The following GLCCI1 variants were observed in gnomAD, a reference collection of about 807,000 sequenced individuals.
GLCCI1 encodes glucocorticoid-induced transcript 1 protein.
Under a neutral mutation model 52.2 loss-of-function variants are expected in GLCCI1, and 24 were observed. That is an observed-to-expected ratio of 0.46 (90% CI 0.33 to 0.65). GLCCI1 has a LOEUF of 0.65. Ranked by LOEUF, GLCCI1 falls within the 30% of genes least tolerant of loss-of-function variation. GLCCI1 has a pLI of 0.02. For synonymous variants in GLCCI1, 310 were observed against 276.5 expected (o/e 1.12, Z -1.20); for missense variants, 704 against 701.5 (o/e 1.00, Z -0.04).
intron 3 of GLCCI1, among the ~76,000 whole-genome samples, chr7:8,041,913 T>G (rs1268449897): frequency 6.6e-6 from 1 of 152,178 alleles, no homozygotes; most frequent in Non-Finnish European, 1.5e-5. Flanking sequence ...TTTAAGCCAG[T>G]GCTCATTTGC....
At chr7:8,075,806 TA>T (rs1782864060) in intron 6 of GLCCI1, among the ~76,000 whole-genome samples, 1 of 152,252 alleles carries the variant, frequency 6.6e-6, no homozygotes. Flanking sequence ...CTAAATTGAT[TA>T]CTTGTAATTT....
intron 3 of GLCCI1, among the ~76,000 whole-genome samples, chr7:8,042,679 A>G (rs1003677487): frequency 3.3e-5 from 5 of 152,230 alleles, no homozygotes; most frequent in Non-Finnish European, 7.3e-5. Context: ...ATTTGCTGCA[A>G]TCTGGTGATC....
chr7:7,981,073 G>A, intron 1 of GLCCI1: 1 of 473,974 alleles, frequency 2.1e-6, no homozygotes, highest in South Asian at 1.6e-5. Context: ...TTTAGAGATG[G>A]TGGGAGACCT....
intron 5 of GLCCI1, among the ~76,000 whole-genome samples, chr7:8,067,439 A>G (rs528228411): frequency 6.6e-6 from 1 of 152,296 alleles, no homozygotes; most frequent in East Asian, 1.9e-4. Context: ...TACTTTGCAG[A>G]CTTAATTGTG....
At chr7:7,981,454 C>G (rs2115408055) in intron 1 of GLCCI1, 1 of 199,662 alleles carries the variant, frequency 5.0e-6, no homozygotes, top group Non-Finnish European at 9.9e-6. Flanking sequence ...TCCCAAGTAG[C>G]TGGGACTACA....
chr7:8,058,069 A>G (rs1782436760), intron 4 of GLCCI1, among the ~76,000 whole-genome samples: 1 of 152,162 alleles, frequency 6.6e-6, no homozygotes, highest in South Asian at 2.1e-4. Flanking sequence ...AATTATGTTT[A>G]TGATTGGAAT....
chr7:8,022,382 C>G, intron 2 of GLCCI1, 101 bp from the exon 3 acceptor site: 1 of 531,218 alleles, frequency 1.9e-6, no homozygotes, highest in Non-Finnish European at 2.9e-6. Context: ...GTATAGCTCT[C>G]TAACTGGTAA....
chr7:8,085,754 C>T (rs1053108091), intron 7 of GLCCI1, among the ~76,000 whole-genome samples: 1 of 152,094 alleles, frequency 6.6e-6, no homozygotes, highest in African/African-American at 2.4e-5. Flanking sequence ...CCCCACTCCA[C>T]CCCCCATCTG....
chr7:8,056,204 A>G (rs376439993), intron 4 of GLCCI1, among the ~76,000 whole-genome samples: 3 of 152,164 alleles, frequency 2.0e-5, no homozygotes, highest in East Asian at 1.9e-4. Context: ...AGACTGAGGC[A>G]GGAGACTCAC....
intron 1 of GLCCI1, among the ~76,000 whole-genome samples, chr7:7,992,579 A>G (rs988875401): frequency 3.3e-5 from 5 of 152,082 alleles, no homozygotes; most frequent in Admixed American, 2.0e-4. Flanking sequence ...CCCCAGATAT[A>G]AGTATGTCCT....
intron 3 of GLCCI1, among the ~76,000 whole-genome samples, chr7:8,043,309 C>G (rs566696248): frequency 1.3e-4 from 20 of 150,436 alleles, no homozygotes; most frequent in Non-Finnish European, 2.5e-4. Context: ...TAAAAGTATG[C>G]CTTCATTCAA....
intron 1 of GLCCI1, among the ~76,000 whole-genome samples, chr7:8,003,645 G>A (rs1412897792): frequency 1.3e-5 from 2 of 152,138 alleles, no homozygotes; most frequent in African/African-American, 2.4e-5. Context: ...TAATGGCAAT[G>A]AGATGATATG....
intron 1 of GLCCI1, among the ~76,000 whole-genome samples, chr7:7,995,670 A>G (rs1046214406): frequency 5.9e-5 from 9 of 152,184 alleles, no homozygotes; most frequent in Non-Finnish European, 7.3e-5. Flanking sequence ...CAAACACCGC[A>G]TGTTCTCACT....
At chr7:8,060,409 A>G (rs534112676) in intron 5 of GLCCI1, among the ~76,000 whole-genome samples, 161 bp downstream of exon 5, 6 of 152,334 alleles carry the variant, frequency 3.9e-5, no homozygotes, top group Middle Eastern at 3.4e-3. Context: ...TCAGAGTTAT[A>G]CAACTGTCAC....
intron 1 of GLCCI1, among the ~76,000 whole-genome samples, chr7:7,993,208 A>G (rs117066996): frequency 1.1e-3 from 161 of 152,070 alleles, no homozygotes; most frequent in Non-Finnish European, 2.1e-3. Flanking sequence ...GTACTTTTAA[A>G]TAGGGTGGAT....
At chr7:8,003,576 G>T (rs1477664780) in intron 1 of GLCCI1, among the ~76,000 whole-genome samples, 1 of 152,092 alleles carries the variant, frequency 6.6e-6, no homozygotes, top group Non-Finnish European at 1.5e-5. Flanking sequence ...ATGGATACAG[G>T]GATAGCAGTT....
chr7:7,988,672 A>G (rs1428536347), intron 1 of GLCCI1, among the ~76,000 whole-genome samples: 1 of 152,132 alleles, frequency 6.6e-6, no homozygotes, highest in Non-Finnish European at 1.5e-5. Context: ...ATTTATGGTG[A>G]CAGATGATGA....
At chr7:8,068,442 T>C (rs1225421250) in intron 5 of GLCCI1, among the ~76,000 whole-genome samples, 1 of 152,218 alleles carries the variant, frequency 6.6e-6, no homozygotes, top group African/African-American at 2.4e-5. Context: ...GCTATTAATA[T>C]TTGGGATTGC....
At position 8,055,609 on chromosome 7, in the gene GLCCI1, T is replaced by TC. The variant is rs894826196; in HGVS notation, c.813+61dup. ...CTTTTAGTTCATTAAGGAAGGGAAT[T>TC]CATCATTTCAGCATTTAAAAAAACC... On this transcript the variant is annotated intron_variant, in intron 4 of 7. Coordinates refer to ENST00000223145, the MANE Select transcript of GLCCI1 (RefSeq NM_138426.4). The TC allele has an allele frequency of 3.6e-5, 35 of 965,588 alleles. No individual in the cohort carries two copies. In the African/African-American group the frequency reaches 5.3e-4, roughly 15 times the overall value. 59.8% of individuals were successfully genotyped at this position (965,588 alleles called of 1,614,324 possible).
Sources: allele counts gnomAD v4.1 joint callset (sites outside exome capture counted in the v4.1 genomes callset), GRCh38; gene constraint gnomAD v4.1.1; transcripts MANE v1.5; gene names NCBI Gene and HGNC (gene_info 2026-07-23, HGNC 2026-07-21).